CLOCK: variants seen among roughly 807,000 people sequenced by gnomAD.
CLOCK encodes clock circadian regulator.
CLOCK carries 43 observed loss-of-function variants against 118.4 expected under a neutral mutation model. The ratio of observed to expected loss-of-function variants is 0.36; its 90% CI spans 0.28 to 0.47. CLOCK has a LOEUF of 0.47. Ranked by LOEUF, CLOCK falls within the 20% of genes least tolerant of loss-of-function variation. The pLI, the probability that CLOCK is intolerant of heterozygous loss-of-function variation, is 1.00. For missense variants in CLOCK, 846 were observed against 999.9 expected, an observed-to-expected ratio of 0.85 and a Z score of 2.08; for synonymous variants, 326 against 339.2, an observed-to-expected ratio of 0.96 and a Z score of 0.43.
intron 2 of CLOCK, among the ~76,000 whole-genome samples, chr4:55,506,641 A>G (rs1248259199): frequency 1.3e-5 from 2 of 151,672 alleles, no homozygotes; most frequent in African/African-American, 4.8e-5. Flanking sequence ...GCTCACTGCA[A>G]CCTCTGCCTT....
At chr4:55,538,331 T>C (rs995666537) in intron 1 of CLOCK, among the ~76,000 whole-genome samples, 9 of 152,124 alleles carry the variant, frequency 5.9e-5, no homozygotes, top group African/African-American at 2.2e-4. Flanking sequence ...GATGCCGATA[T>C]TGGAAAAGAC....
At chr4:55,468,979 CTTGTGTA>C (rs1725926109) in intron 8 of CLOCK, among the ~76,000 whole-genome samples, 1 of 152,072 alleles carries the variant, frequency 6.6e-6, no homozygotes, top group Non-Finnish European at 1.5e-5. Context: ...TGTGGTGATG[CTTGTGTA>C]AACAAACCTA....
At chr4:55,541,801 C>G (rs924195741) in intron 1 of CLOCK, among the ~76,000 whole-genome samples, 1 of 151,714 alleles carries the variant, frequency 6.6e-6, no homozygotes, top group Non-Finnish European at 1.5e-5. Context: ...AAAAAAACTA[C>G]TGAAATAGCT....
At chr4:55,527,631 G>C (rs1229410629) in intron 1 of CLOCK, among the ~76,000 whole-genome samples, 1 of 152,072 alleles carries the variant, frequency 6.6e-6, no homozygotes, top group African/African-American at 2.4e-5. Flanking sequence ...TTCAAATCCT[G>C]ATACAAATAA....
At chr4:55,516,317 A>G (rs1729511422) in intron 1 of CLOCK, among the ~76,000 whole-genome samples, 1 of 152,198 alleles carries the variant, frequency 6.6e-6, no homozygotes, top group African/African-American at 2.4e-5. Context: ...CCATTATAAG[A>G]GCAGATTAAT....
chr4:55,527,863 C>A (rs576482837), intron 1 of CLOCK, among the ~76,000 whole-genome samples: 2 of 151,644 alleles, frequency 1.3e-5, no homozygotes, highest in African/African-American at 4.8e-5. Flanking sequence ...GGCAACATAG[C>A]GAGATCTCAT....
In CLOCK at chr4:55,435,464, C is replaced by A; in HGVS notation, c.2492G>T (p.Arg831Leu). ...HQSQQQQQLS[R>L]HRTDSLPDPS... ...GTCGGGCAAGCTGTCAGTCCTGTGC[C>A]GGCTGAGTTGCTGCTGTTGCTGAGA... is the stretch of plus-strand genomic sequence containing the variant. The change falls in exon 23 of 23, where the codon CGG becomes CTG. Residue 831 changes from arginine to leucine, a missense_variant. By Grantham distance (102) the Arg-to-Leu change is moderately radical. This residue lies in a region of CLOCK where 520 missense variants were observed against 558.0 expected (regional missense o/e 0.93). Transcript: ENST00000513440. 1 of 1,613,970 alleles carries A rather than the reference C, an allele frequency of 6.2e-7. No homozygotes were observed. The highest frequency in any genetic ancestry group is 8.5e-7 in the Non-Finnish European group (1 of 1,179,916).
Position 55,434,347 on chromosome 4 carries a change from C to T in CLOCK, c.*1068G>A, listed in dbSNP as rs1577659687. On this transcript the variant is annotated 3_prime_UTR_variant, in exon 23 of 23. Transcript: ENST00000513440. Reference sequence around the variant, plus strand: ...CATGATTGAGAATGTTAAAAAGTGCCTAAGATGTTTTGTGTGCAAATTTTA... The same window carrying T: ...CATGATTGAGAATGTTAAAAAGTGCTTAAGATGTTTTGTGTGCAAATTTTA... 1 of 152,540 alleles carries T rather than the reference C, an allele frequency of 6.6e-6. No homozygotes were observed. Among genetic ancestry groups the T allele is most frequent in the African/African-American group, 2.4e-5 (1 of 41,428 alleles). 9.4% of individuals were successfully genotyped at this position (152,540 alleles called of 1,614,324 possible).
intron 1 of CLOCK, among the ~76,000 whole-genome samples, chr4:55,546,235 G>A (rs879593055): frequency 1.2e-4 from 19 of 152,190 alleles, no homozygotes; most frequent in Non-Finnish European, 2.5e-4. Flanking sequence ...ATCGGCCGCA[G>A]CTCCGGGCGC....
rs1722516405 is a variant in CLOCK at position 55,431,724 on chromosome 4, A to G, written c.*3691T>C. On this transcript the variant is annotated 3_prime_UTR_variant, in exon 23 of 23. Coordinates refer to ENST00000513440, the MANE Select transcript of CLOCK (RefSeq NM_004898.4). ...CAAAGAAACAGAAAGAAAAAAGCAG[A>G]AATACTAAAGTAAAATGCTATTTGC... 1 of 152,268 alleles carries G rather than the reference A, an allele frequency of 6.6e-6. No individual in the cohort carries two copies. Among genetic ancestry groups the G allele is most frequent in the Admixed American group, 6.5e-5 (1 of 15,286 alleles). 9.4% of individuals were successfully genotyped at this position (152,268 alleles called of 1,614,324 possible).
At chr4:55,491,730 T>C (rs1396812201) in intron 2 of CLOCK, among the ~76,000 whole-genome samples, 1 of 152,134 alleles carries the variant, frequency 6.6e-6, no homozygotes. Context: ...AAACAAAATG[T>C]GGTATTCATA....
chr4:55,524,685 T>C lies in CLOCK; in HGVS notation c.-289-14620A>G, dbSNP rs571664776. Reference sequence around the variant, plus strand: ...TATTGGACAATGATGGTCCAGTGATTCACATGAAATTTCTATTGAATAAAG... The same window carrying C: ...TATTGGACAATGATGGTCCAGTGATCCACATGAAATTTCTATTGAATAAAG... On this transcript the variant is annotated intron_variant, in intron 1 of 22. Coordinates refer to ENST00000513440, the MANE Select transcript of CLOCK (RefSeq NM_004898.4). 2.0e-5 allele frequency among the ~76,000 whole-genome samples: 3 copies of C among 152,336 alleles called. No individual in the cohort carries two copies. In the East Asian group the frequency reaches 5.8e-4, roughly 29 times the overall value.
chr4:55,451,088 C>T (rs1724403552), intron 15 of CLOCK, among the ~76,000 whole-genome samples: 1 of 151,920 alleles, frequency 6.6e-6, no homozygotes, highest in African/African-American at 2.4e-5. Flanking sequence ...TCCCTTCCTA[C>T]CACTGCCCCA....
At chr4:55,458,075 C>T (rs1486607750) in intron 11 of CLOCK, among the ~76,000 whole-genome samples, 1 of 152,026 alleles carries the variant, frequency 6.6e-6, no homozygotes, top group Non-Finnish European at 1.5e-5. Context: ...TATGATGTCC[C>T]CCCAAATTTA....
chr4:55,446,280 G>T (rs1021027012), intron 18 of CLOCK, among the ~76,000 whole-genome samples: 1 of 151,462 alleles, frequency 6.6e-6, no homozygotes, highest in African/African-American at 2.4e-5. Context: ...TAAGAGATGG[G>T]GTCTCACTAT....
chr4:55,438,630 C>T (rs538130221), intron 21 of CLOCK, 93 bp from the exon 22 acceptor site: 1 of 1,577,300 alleles, frequency 6.3e-7, no homozygotes, highest in East Asian at 2.3e-5. Flanking sequence ...AAGATAATAC[C>T]CAATGACATT....
At chr4:55,463,566 C>A in intron 9 of CLOCK, 119 bp downstream of exon 9, 1 of 847,468 alleles carries the variant, frequency 1.2e-6, no homozygotes, top group East Asian at 2.7e-5. Context: ...GAAAAAGGAC[C>A]TAATAGGGCA....
chr4:55,436,826 T>C (rs1722911138), intron 22 of CLOCK, among the ~76,000 whole-genome samples: 1 of 150,988 alleles, frequency 6.6e-6, no homozygotes, highest in African/African-American at 2.4e-5. Flanking sequence ...ATTACCTACA[T>C]ACAAGTGTAT....
chr4:55,526,118 G>A (rs898360996), intron 1 of CLOCK, among the ~76,000 whole-genome samples: 4 of 152,054 alleles, frequency 2.6e-5, no homozygotes, highest in East Asian at 1.9e-4. Context: ...AATCCGAAAC[G>A]CTTCTAATCC....
Sources: allele counts gnomAD v4.1 joint callset (sites outside exome capture counted in the v4.1 genomes callset), GRCh38; gene constraint gnomAD v4.1.1; regional missense constraint gnomAD v4.1.1; transcripts MANE v1.5; gene names NCBI Gene and HGNC (gene_info 2026-07-23, HGNC 2026-07-21).